Variants in DLGAP1 observed in about 807,000 individuals in gnomAD.
DLGAP1 encodes the protein disks large-associated protein 1.
Under a neutral mutation model 90.8 loss-of-function variants are expected in DLGAP1, and 11 were observed. The ratio of observed to expected loss-of-function variants is 0.12; its 90% CI spans 0.08 to 0.20. DLGAP1 has a LOEUF of 0.20. Ranked by LOEUF, DLGAP1 falls within the 10% of genes least tolerant of loss-of-function variation. The pLI is 1.00. For missense variants in DLGAP1, 1,050 were observed against 1,333.8 expected (o/e 0.79, Z 3.31); for synonymous variants, 558 against 540.7 (o/e 1.03, Z -0.44).
At position 4,439,059 on chromosome 18, in the gene DLGAP1, G is replaced by C. The variant is rs543634806; in HGVS notation, c.-267+15947C>G. On this transcript the variant is annotated intron_variant, in intron 1 of 12. Transcript: ENST00000315677. ...CTCCTTCCTGCCTTGATGTTCCTTT[G>C]ACATCGCTGGTCCCCGCCCCAAAGG... is the stretch of plus-strand genomic sequence containing the variant. Among the ~76,000 whole-genome samples the C allele has an allele frequency of 7.2e-5, 11 of 152,286 alleles. No homozygotes were observed. The South Asian group carries it at 2.3e-3, about 32-fold the overall frequency.
intron 2 of DLGAP1, among the ~76,000 whole-genome samples, chr18:4,029,664 C>T (rs767135147): frequency 7.9e-5 from 12 of 152,312 alleles, no homozygotes; most frequent in East Asian, 5.8e-4. Flanking sequence ...CTAATGCCTA[C>T]GTTTCCTAAT....
At chr18:4,406,633 G>C (rs1190891845) in intron 1 of DLGAP1, among the ~76,000 whole-genome samples, 3 of 152,142 alleles carry the variant, frequency 2.0e-5, no homozygotes, top group Non-Finnish European at 4.4e-5. Context: ...CGCATAAGTA[G>C]ATATCCTTTT....
intron 1 of DLGAP1, among the ~76,000 whole-genome samples, chr18:4,407,185 A>G (rs2082681280): frequency 6.6e-6 from 1 of 151,986 alleles, no homozygotes. Flanking sequence ...ATAACGGGCA[A>G]AACACAATTT....
rs1225182882 is a variant in DLGAP1 at position 3,693,255 on chromosome 18, A to AT, written c.1591+35879dup. On this transcript the variant is annotated intron_variant, in intron 7 of 12. Transcript: ENST00000315677. ...ACCCTACCATGTCTCACTTATTTAA[A>AT]TTTTTTTTTTTTGTAGAGATTGGGG... Among the ~76,000 whole-genome samples the AT allele has an allele frequency of 3.4e-3, 492 of 146,718 alleles. 6 individuals are homozygous for AT. The highest frequency in any genetic ancestry group is 0.015 in the South Asian group (70 of 4,606).
rs144682105 is a variant in DLGAP1 at position 3,928,769 on chromosome 18, G to T, written c.-72-48629C>A. 3.5e-3 allele frequency among the ~76,000 whole-genome samples: 529 copies of T among 152,222 alleles called. 2 individuals are homozygous for T. Among genetic ancestry groups the T allele is most frequent in the Non-Finnish European group, 6.2e-3 (420 of 68,010 alleles). On this transcript the variant is annotated intron_variant, in intron 3 of 12. Coordinates refer to ENST00000315677, the MANE Select transcript of DLGAP1 (RefSeq NM_004746.4). The stretch of plus-strand genomic sequence containing the variant: ...AGTACAGATCCTCATCCACTATGCC[G>T]AATTCATATGCCTTACGATTTCTAT...
chr18:4,193,300 A>C (rs9807798), intron 1 of DLGAP1, among the ~76,000 whole-genome samples: 93,252 of 152,068 alleles, frequency 0.61, 28,602 homozygotes, highest in Middle Eastern at 0.66. Context: ...TTATATGTTT[A>C]CCTTATATAT....
At chr18:4,030,483 T>G (rs2074778385) in intron 2 of DLGAP1, among the ~76,000 whole-genome samples, 1 of 152,204 alleles carries the variant, frequency 6.6e-6, no homozygotes, top group Non-Finnish European at 1.5e-5. Flanking sequence ...ATTCATTCTT[T>G]TCCAGAGAGG....
chr18:3,966,817 G>T (rs571065144), intron 3 of DLGAP1, among the ~76,000 whole-genome samples: 1 of 152,056 alleles, frequency 6.6e-6, no homozygotes, highest in Non-Finnish European at 1.5e-5. Context: ...GAGAGGGGAC[G>T]TCTGAGCTAG....
intron 1 of DLGAP1, among the ~76,000 whole-genome samples, chr18:4,447,712 G>C (rs1162798855): frequency 6.6e-6 from 1 of 152,166 alleles, no homozygotes; most frequent in Non-Finnish European, 1.5e-5. Context: ...CAGAGTAAAA[G>C]AGAAAGGAAA....
chr18:3,874,438 C>A, intron 4 of DLGAP1: 1 of 1,436,250 alleles, frequency 7.0e-7, no homozygotes, highest in South Asian at 1.5e-5. Flanking sequence ...TAAAATCTTG[C>A]TCTTCTGAAT....
intron 3 of DLGAP1, among the ~76,000 whole-genome samples, chr18:3,997,513 T>A (rs2074093987): frequency 6.6e-6 from 1 of 152,178 alleles, no homozygotes; most frequent in South Asian, 2.1e-4. Context: ...ACTGTTTCTA[T>A]CCTTCTGGTG....
In DLGAP1 at chr18:3,879,194, T is replaced by C. The variant is rs1206883151; in HGVS notation, c.875A>G (p.Tyr292Cys). The C allele has an allele frequency of 3.9e-6, 6 of 1,538,030 alleles. No individual in the cohort carries two copies. In the South Asian group the frequency reaches 6.4e-5, roughly 16 times the overall value. ...TLTVSRAREV[Y>C]QKASVNMDQA... ...GTCCATGTTCACCGAGGCCTTCTGG[T>C]AAACCTCCCGGGCCCGGCTCACGGT... Residue 292 changes from tyrosine to cysteine, a missense_variant, in exon 4 of 13, where the codon TAC (tyrosine) becomes TGC (cysteine). This residue lies in a region of DLGAP1 where 485 missense variants were observed against 454.1 expected (regional missense o/e 1.07). Transcript: ENST00000315677. The surrounding 1 kb of genome is among the most constrained non-coding windows in gnomAD (Gnocchi z 6.6).
intron 7 of DLGAP1, among the ~76,000 whole-genome samples, chr18:3,630,945 T>C (rs983921251): frequency 2.6e-4 from 39 of 152,238 alleles, no homozygotes; most frequent in African/African-American, 8.9e-4. Context: ...TTGACACCTT[T>C]CTAATTTGCA....
chr18:4,056,421 T>C (rs1442378), intron 2 of DLGAP1, among the ~76,000 whole-genome samples: 99,491 of 152,020 alleles, frequency 0.65, 32,833 homozygotes, highest in Admixed American at 0.69. Context: ...AGATTCAGAA[T>C]GGCCAGAAAC....
At chr18:3,514,028 G>T (rs7245076) in intron 10 of DLGAP1, among the ~76,000 whole-genome samples, 85,164 of 151,918 alleles carry the variant, frequency 0.56, 26,423 homozygotes, top group East Asian at 0.76. Context: ...AGCATAATTA[G>T]CATATGCATC....
intron 5 of DLGAP1, among the ~76,000 whole-genome samples, chr18:3,802,080 G>A (rs2066325393): frequency 6.6e-6 from 1 of 152,030 alleles, no homozygotes. Context: ...TGCCTCCCAG[G>A]TTCAAGTGAT....
chr18:4,250,241 G>C (rs2078753108), intron 1 of DLGAP1, among the ~76,000 whole-genome samples: 1 of 152,140 alleles, frequency 6.6e-6, no homozygotes, highest in Admixed American at 6.5e-5. Flanking sequence ...GAAACAGAAG[G>C]CCTTATTAAC....
At position 4,172,026 on chromosome 18, in the gene DLGAP1, T is replaced by C. The variant is rs372755840; in HGVS notation, c.-266-20739A>G. ...AAGATCAGATGGAAGACAATCATTATGATAATGAGTTTTTTCCTTCCTTTT... is the reference window on the plus strand; with the variant it reads ...AAGATCAGATGGAAGACAATCATTACGATAATGAGTTTTTTCCTTCCTTTT... On this transcript the variant is annotated intron_variant, in intron 1 of 12. Coordinates refer to ENST00000315677, the MANE Select transcript of DLGAP1 (RefSeq NM_004746.4). Among the ~76,000 whole-genome samples the C allele has an allele frequency of 3.3e-5, 5 of 152,346 alleles. No individual in the cohort carries two copies. In the East Asian group the frequency reaches 5.8e-4, roughly 18 times the overall value.
rs187938168 is a variant in DLGAP1 at position 3,867,059 on chromosome 18, G to A, written c.957+12053C>T. On this transcript the variant is annotated intron_variant, in intron 4 of 12. Coordinates refer to ENST00000315677, the MANE Select transcript of DLGAP1 (RefSeq NM_004746.4). The stretch of plus-strand genomic sequence containing the variant: ...AGTAGAGACGGGGTTTCACTATGTT[G>A]GCCATGCTGGTCTTGAACTCCTGAC... Among the ~76,000 whole-genome samples the A allele has an allele frequency of 8.3e-4, 126 of 152,188 alleles. No individual in the cohort carries two copies. In the Middle Eastern group the frequency reaches 0.02, roughly 25 times the overall value.
Sources: gnomAD v4.1 joint callset for allele counts (sites outside exome capture counted in the v4.1 genomes callset) on GRCh38, gnomAD v4.1.1 for gene constraint, gnomAD v4.1.1 regional missense constraint, Gnocchi (gnomAD v3.1) non-coding constraint, MANE v1.5 for transcripts, NCBI Gene and HGNC (gene_info 2026-07-23, HGNC 2026-07-21) for gene names.